Variants in ANO3 observed in about 807,000 individuals in gnomAD.
ANO3 encodes anoctamin 3.
A neutral mutation model predicts 144.8 loss-of-function variants in ANO3; 99 were observed. The observed-to-expected ratio is 0.68, with a 90% confidence interval of 0.58 to 0.81. ANO3 has a LOEUF of 0.81. Ranked by LOEUF, ANO3 falls within the 30% of genes least tolerant of loss-of-function variation. The pLI, the probability that ANO3 is intolerant of heterozygous loss-of-function variation, is 0.00. For missense variants in ANO3, 905 were observed against 1,202.2 expected (o/e 0.75, Z 3.66); for synonymous variants, 414 against 392.6 (o/e 1.05, Z -0.64).
intron 4 of ANO3, among the ~76,000 whole-genome samples, chr11:26,497,199 C>T (rs943795492): frequency 3.3e-5 from 5 of 151,346 alleles, no homozygotes; most frequent in Non-Finnish European, 5.9e-5. Context: ...CATGTATATA[C>T]ATGTATATAT....
intron 18 of ANO3, among the ~76,000 whole-genome samples, chr11:26,631,295 G>GTTC (rs1852770210): frequency 1.3e-5 from 2 of 151,354 alleles, no homozygotes; most frequent in Admixed American, 1.3e-4. Context: ...GTTTATTTTT[G>GTTC]TTCTTTCATT....
At chr11:26,484,743 C>G (rs1048553722) in intron 4 of ANO3, among the ~76,000 whole-genome samples, 6 of 152,180 alleles carry the variant, frequency 3.9e-5, no homozygotes, top group African/African-American at 1.4e-4. Flanking sequence ...CACTCAATAC[C>G]AACCCAAGAA....
intron 1 of ANO3, among the ~76,000 whole-genome samples, chr11:26,339,538 G>T (rs1403897013): frequency 6.6e-5 from 10 of 152,142 alleles, no homozygotes; most frequent in African/African-American, 2.4e-4. Flanking sequence ...CACTTAAACA[G>T]CTGAAAAGCA....
chr11:26,552,308 C>T (rs944254799), intron 12 of ANO3, among the ~76,000 whole-genome samples: 1 of 141,346 alleles, frequency 7.1e-6, no homozygotes, highest in East Asian at 2.0e-4. Context: ...GAAATTCACA[C>T]GCATTCTTTT....
At chr11:26,617,558 T>A (rs1329546432) in intron 17 of ANO3, among the ~76,000 whole-genome samples, 1 of 152,186 alleles carries the variant, frequency 6.6e-6, no homozygotes, top group Non-Finnish European at 1.5e-5. Context: ...ACAATCATAG[T>A]TCCTGGGAGA....
intron 7 of ANO3, among the ~76,000 whole-genome samples, chr11:26,530,257 A>G (rs1849329144): frequency 6.6e-6 from 1 of 152,174 alleles, no homozygotes; most frequent in Admixed American, 6.5e-5. Flanking sequence ...AACTTGTACA[A>G]GTTTACGTGG....
intron 22 of ANO3, among the ~76,000 whole-genome samples, chr11:26,642,531 T>C (rs1309122965): frequency 6.7e-6 from 1 of 150,316 alleles, no homozygotes; most frequent in Non-Finnish European, 1.5e-5. Flanking sequence ...TTGCATTTTT[T>C]AGTAGAGATG....
chr11:26,408,869 G>A lies in ANO3; in HGVS notation c.47-33049G>A, dbSNP rs546625885. Reference sequence around the variant, plus strand: ...AAACCATCATTCTCAGCAAACTATCGCAAGGACAAAAAACCAAACACCACA... The same window carrying A: ...AAACCATCATTCTCAGCAAACTATCACAAGGACAAAAAACCAAACACCACA... On this transcript the variant is annotated intron_variant, in intron 1 of 26. Transcript: ENST00000256737. Among the ~76,000 whole-genome samples, 225 of 151,228 alleles carry A rather than the reference G, an allele frequency of 1.5e-3. 1 individual carries two copies. The highest frequency in any genetic ancestry group is 4.3e-3 in the East Asian group (22 of 5,084).
At chr11:26,545,173 A>G (rs1349023463) in intron 11 of ANO3, among the ~76,000 whole-genome samples, 1 of 152,074 alleles carries the variant, frequency 6.6e-6, no homozygotes, top group African/African-American at 2.4e-5. Flanking sequence ...TTTTCAGGAC[A>G]TGCATCTCTT....
intron 4 of ANO3, among the ~76,000 whole-genome samples, chr11:26,466,080 CTTTA>C (rs1859592425): frequency 6.6e-6 from 1 of 151,780 alleles, no homozygotes; most frequent in Non-Finnish European, 1.5e-5. Context: ...AAATAAGATA[CTTTA>C]TTTATTGTGA....
At chr11:26,193,240 C>G (rs947860526) in intron 1 of ANO3, among the ~76,000 whole-genome samples, 2 of 147,664 alleles carry the variant, frequency 1.4e-5, no homozygotes, top group African/African-American at 5.0e-5. Context: ...CTCCCGGGTT[C>G]AAGCGATTAT....
chr11:26,619,710 G>A (rs561808867), intron 17 of ANO3, among the ~76,000 whole-genome samples: 50 of 152,122 alleles, frequency 3.3e-4, no homozygotes, highest in African/African-American at 1.1e-3. Flanking sequence ...CAAGAGATCC[G>A]CCCACTTTGG....
chr11:26,590,522 C>T (rs1286812910), intron 14 of ANO3, among the ~76,000 whole-genome samples: 1 of 152,146 alleles, frequency 6.6e-6, no homozygotes, highest in African/African-American at 2.4e-5. Context: ...GGCGGCAAGA[C>T]TTTTGTTCTC....
chr11:26,452,761 C>A (rs374400722), intron 3 of ANO3, among the ~76,000 whole-genome samples: 1 of 147,124 alleles, frequency 6.8e-6, no homozygotes, highest in Non-Finnish European at 1.5e-5. Flanking sequence ...GAAGAGCAAC[C>A]CCAAGACACA....
chr11:26,458,253 C>G (rs1166475359), intron 3 of ANO3, among the ~76,000 whole-genome samples: 1 of 152,082 alleles, frequency 6.6e-6, no homozygotes, highest in East Asian at 1.9e-4. Flanking sequence ...TTCAGAAGAT[C>G]TCACTGATGG....
At chr11:26,272,662 C>T (rs1853467601) in intron 1 of ANO3, among the ~76,000 whole-genome samples, 1 of 152,078 alleles carries the variant, frequency 6.6e-6, no homozygotes, top group South Asian at 2.1e-4. Flanking sequence ...GCAGCTTCTG[C>T]CAACTAAGAG....
chr11:26,332,394 A>T (rs1855074942), intron 1 of ANO3, 73 bp downstream of exon 1: 1 of 1,463,656 alleles, frequency 6.8e-7, no homozygotes, highest in Non-Finnish European at 9.6e-7. Flanking sequence ...GTTGTGTAGG[A>T]GCATCCTTTG....
At chr11:26,412,448 A>G (rs570199321) in intron 1 of ANO3, among the ~76,000 whole-genome samples, 21 of 152,196 alleles carry the variant, frequency 1.4e-4, no homozygotes, top group African/African-American at 5.1e-4. Flanking sequence ...CAGTGTACAC[A>G]CATTTTAAAG....
At chr11:26,360,397 A>C (rs1855895770) in intron 1 of ANO3, among the ~76,000 whole-genome samples, 1 of 152,082 alleles carries the variant, frequency 6.6e-6, no homozygotes, top group African/African-American at 2.4e-5. Flanking sequence ...GAGATTTTTA[A>C]AAATTCCCTT....
Sources: gnomAD v4.1 joint callset for allele counts (sites outside exome capture counted in the v4.1 genomes callset) on GRCh38, gnomAD v4.1.1 for gene constraint, MANE v1.5 for transcripts, NCBI Gene and HGNC (gene_info 2026-07-23, HGNC 2026-07-21) for gene names.